The following SPON1 variants were observed in gnomAD, a reference collection of about 807,000 sequenced individuals.
SPON1 encodes spondin 1.
A neutral mutation model predicts 111.7 loss-of-function variants in SPON1; 52 were observed. That is an observed-to-expected ratio of 0.47 (90% CI 0.37 to 0.59). The LOEUF (loss-of-function observed/expected upper bound fraction) is 0.59, where lower values mean the gene tolerates loss of function less well. SPON1 is among the 20% of genes least tolerant of loss of function. The pLI is 0.00. For missense variants in SPON1, 957 were observed against 1,068.5 expected, an observed-to-expected ratio of 0.90 and a Z score of 1.46; for synonymous variants, 410 against 395.8, an observed-to-expected ratio of 1.04 and a Z score of -0.43.
intron 4 of SPON1, among the ~76,000 whole-genome samples, chr11:14,077,834 A>G (rs933790819): frequency 2.9e-5 from 4 of 137,922 alleles, no homozygotes; most frequent in Non-Finnish European, 3.3e-5. Flanking sequence ...AATGAAAGAG[A>G]CAAAAAAAAA....
chr11:14,182,835 T>C (rs1848248901), intron 6 of SPON1, among the ~76,000 whole-genome samples: 1 of 152,168 alleles, frequency 6.6e-6, no homozygotes, highest in South Asian at 2.1e-4. Flanking sequence ...ATGAAGGATG[T>C]TGTTTCAGAT....
At chr11:14,236,034 C>G (rs1554939199) in intron 6 of SPON1, among the ~76,000 whole-genome samples, 3 of 152,070 alleles carry the variant, frequency 2.0e-5, no homozygotes, top group Non-Finnish European at 4.4e-5. Flanking sequence ...ACAGGCAGAC[C>G]ATGGAGGGTG....
intron 7 of SPON1, among the ~76,000 whole-genome samples, chr11:14,246,744 G>A (rs1554940285): frequency 6.6e-6 from 1 of 152,158 alleles, no homozygotes; most frequent in East Asian, 1.9e-4. Context: ...GTTCCTTATG[G>A]AGATTACAAT....
chr11:14,138,412 A>G (rs1847617376), intron 6 of SPON1, among the ~76,000 whole-genome samples: 1 of 152,176 alleles, frequency 6.6e-6, no homozygotes, highest in Non-Finnish European at 1.5e-5. Context: ...ATGTTACTAT[A>G]ACTGCAAAAC....
intron 6 of SPON1, among the ~76,000 whole-genome samples, chr11:14,217,943 T>C (rs1034404258): frequency 1.3e-5 from 2 of 152,184 alleles, no homozygotes; most frequent in Non-Finnish European, 2.9e-5. Context: ...AAATTCTTTA[T>C]CAGGCCCCAG....
chr11:14,135,457 C>T lies in SPON1; in HGVS notation c.714C>T (p.Ser238=), dbSNP rs575537120. The T allele has an allele frequency of 6.8e-6, 11 of 1,613,214 alleles. No individual in the cohort carries two copies. The highest frequency in any genetic ancestry group is 4.5e-5 in the East Asian group (2 of 44,868). ...ANHWSAIIGG[S]HSKNYVLWEY... The stretch of plus-strand genomic sequence containing the variant: ...ACTGGTCTGCGATCATCGGAGGATC[C>T]CACTCCAAGAATTATGTACTGTGGG... The change falls in exon 6 of 16, where the codon TCC becomes TCT. Residue 238 remains serine (S), a synonymous_variant. Transcript: ENST00000576479. The surrounding 1 kb of genome is among the most constrained non-coding windows in gnomAD (Gnocchi z 4.4).
At chr11:13,973,349 G>C (rs1269827563) in intron 1 of SPON1, among the ~76,000 whole-genome samples, 1 of 152,192 alleles carries the variant, frequency 6.6e-6, no homozygotes, top group Non-Finnish European at 1.5e-5. Context: ...GTCAGAGTAG[G>C]GGCAGCAGTG....
At chr11:13,966,114 T>C (rs1442794789) in intron 1 of SPON1, among the ~76,000 whole-genome samples, 3 of 152,164 alleles carry the variant, frequency 2.0e-5, no homozygotes, top group African/African-American at 7.2e-5. Flanking sequence ...GTTGAGATCA[T>C]TATTTTGTCT....
At position 14,259,390 on chromosome 11, in the gene SPON1, G is replaced by T. The variant is rs781887290; in HGVS notation, c.1603G>T (p.Gly535Cys). ...ERYVKQFPED[G>C]SVCTLPTEET... ...GTATGTGAAGCAGTTCCCGGAGGAC[G>T]GCTCCGTGTGCACGCTGCCCACTGA... The change falls in exon 12 of 16, where the codon GGC (glycine) becomes TGC (cysteine). Residue 535 changes from glycine to cysteine, a missense_variant. This residue lies in a region of SPON1 where 549 missense variants were observed against 606.2 expected (regional missense o/e 0.91). Transcript: ENST00000576479. This position sits in a 1 kb window ranked among gnomAD's most constrained non-coding sequence, Gnocchi z 5.0. 1 of 1,611,692 alleles carries T rather than the reference G, an allele frequency of 6.2e-7. No individual in the cohort carries two copies.
chr11:14,260,726 TGGA>T lies in SPON1; in HGVS notation c.1972_1974del (p.Glu658del), dbSNP rs1554941835. ...GACTGCAATGAGGATCTGGAGCAGGTGGAGAAGTGCATGCTCCCTGAATGCCGT... is the reference window on the plus strand; with the variant it reads ...GACTGCAATGAGGATCTGGAGCAGGTGAAGTGCATGCTCCCTGAATGCCGT... On this transcript the variant is annotated inframe_deletion, in exon 14 of 16. Coordinates refer to ENST00000576479, the MANE Select transcript of SPON1 (RefSeq NM_006108.4). The T allele has an allele frequency of 2.5e-6, 4 of 1,613,894 alleles. No homozygotes were observed. The highest frequency in any genetic ancestry group is 1.1e-5 in the South Asian group (1 of 91,080).
intron 5 of SPON1, among the ~76,000 whole-genome samples, chr11:14,113,568 A>ATTTTTTTTTTTTTTTTTT (rs782780924): frequency 2.7e-5 from 2 of 74,762 alleles, no homozygotes; most frequent in Non-Finnish European, 5.3e-5. Context: ...TACTTTTTAA[A>ATTTTTTTTTTTTTTTTTT]TTTTTTTTTT....
chr11:14,248,992 A>C (rs1849024016), intron 7 of SPON1, among the ~76,000 whole-genome samples: 1 of 152,230 alleles, frequency 6.6e-6, no homozygotes, highest in Non-Finnish European at 1.5e-5. Flanking sequence ...TAAGTAGAAA[A>C]TGCCCAGATT....
chr11:14,264,234 A>G (rs1001181691), intron 15 of SPON1, among the ~76,000 whole-genome samples: 1 of 152,086 alleles, frequency 6.6e-6, no homozygotes, highest in Non-Finnish European at 1.5e-5. Flanking sequence ...TGGCCCACCA[A>G]GGATTTTGGG....
intron 5 of SPON1, among the ~76,000 whole-genome samples, chr11:14,090,746 G>A (rs1554923192): frequency 1.4e-5 from 2 of 146,024 alleles, no homozygotes; most frequent in African/African-American, 5.2e-5. Context: ...AAGAGCAAAA[G>A]AACAAAGCTT....
chr11:14,092,857 T>TA (rs1849070389), intron 5 of SPON1, among the ~76,000 whole-genome samples: 2 of 152,356 alleles, frequency 1.3e-5, no homozygotes, highest in South Asian at 4.1e-4. Flanking sequence ...TCAGATGACA[T>TA]AGCCACAGAG....
intron 5 of SPON1, among the ~76,000 whole-genome samples, chr11:14,120,770 T>C (rs1554926430): frequency 6.6e-6 from 1 of 152,218 alleles, no homozygotes; most frequent in East Asian, 1.9e-4. Flanking sequence ...AATGTTTTCT[T>C]GTGTGCCAGG....
At chr11:14,161,641 G>T (rs1847966726) in intron 6 of SPON1, among the ~76,000 whole-genome samples, 1 of 151,790 alleles carries the variant, frequency 6.6e-6, no homozygotes, top group Non-Finnish European at 1.5e-5. Context: ...TTAACCCAAA[G>T]TTGGGCAAAA....
chr11:14,080,571 C>T (rs969252949), intron 5 of SPON1, among the ~76,000 whole-genome samples: 2 of 152,090 alleles, frequency 1.3e-5, no homozygotes, highest in East Asian at 1.9e-4. Context: ...AAAATATTCC[C>T]AAAGTCATGC....
intron 6 of SPON1, among the ~76,000 whole-genome samples, chr11:14,209,145 T>C (rs1848546671): frequency 6.6e-6 from 1 of 152,178 alleles, no homozygotes; most frequent in Non-Finnish European, 1.5e-5. Context: ...CATAGTTGCA[T>C]AGTTGCACCA....
Sources: gnomAD v4.1 joint callset for allele counts (sites outside exome capture counted in the v4.1 genomes callset) on GRCh38, gnomAD v4.1.1 for gene constraint, gnomAD v4.1.1 regional missense constraint, Gnocchi (gnomAD v3.1) non-coding constraint, MANE v1.5 for transcripts, NCBI Gene and HGNC (gene_info 2026-07-23, HGNC 2026-07-21) for gene names.